The following RUNX1 variants were observed in gnomAD, a reference collection of about 807,000 sequenced individuals.
RUNX1 encodes the protein RUNX family transcription factor 1.
RUNX1 carries 19 observed loss-of-function variants against 42.8 expected under a neutral mutation model. That is an observed-to-expected ratio of 0.44 (90% CI 0.31 to 0.65). RUNX1 has a LOEUF of 0.65. Among genes scored for constraint, RUNX1 ranks in the 30% least tolerant of loss-of-function variants. The pLI is 0.07. For synonymous variants in RUNX1, 271 were observed against 289.4 expected (o/e 0.94, Z 0.64); for missense variants, 528 against 672.0 (o/e 0.79, Z 2.37).
intron 2 of RUNX1, among the ~76,000 whole-genome samples, chr21:34,967,761 C>G (rs1165542513): frequency 6.6e-6 from 1 of 152,182 alleles, no homozygotes; most frequent in Admixed American, 6.5e-5. Flanking sequence ...AAGACTGCAG[C>G]TAGAAGACTG....
At chr21:34,888,624 G>A (rs921439000) in intron 3 of RUNX1, 18 of 1,055,572 alleles carry the variant, frequency 1.7e-5, no homozygotes, top group African/African-American at 5.0e-5. Flanking sequence ...GCAGGGCCGG[G>A]CAGCGTGGTG....
At chr21:35,004,915 C>G (rs2059072956) in intron 2 of RUNX1, among the ~76,000 whole-genome samples, 1 of 152,190 alleles carries the variant, frequency 6.6e-6, no homozygotes, top group African/African-American at 2.4e-5. Flanking sequence ...ATCTCACTCT[C>G]TTATCAGCAG....
chr21:34,875,394 G>C (rs955530018), intron 5 of RUNX1, among the ~76,000 whole-genome samples: 1 of 152,146 alleles, frequency 6.6e-6, no homozygotes, highest in African/African-American at 2.4e-5. Flanking sequence ...GTTGAGGCTT[G>C]GTATATCAGA....
chr21:34,894,880 A>AACACACACACAC (rs57230115), intron 2 of RUNX1, among the ~76,000 whole-genome samples: 219 of 127,958 alleles, frequency 1.7e-3, no homozygotes, highest in Admixed American at 2.6e-3. Flanking sequence ...CCTACATAGA[A>AACACACACACAC]ACACACACAC....
chr21:34,931,935 AT>A (rs1331148252), intron 2 of RUNX1, among the ~76,000 whole-genome samples: 2 of 152,150 alleles, frequency 1.3e-5, no homozygotes, highest in African/African-American at 4.8e-5. Context: ...AGTCTTGAGC[AT>A]TATAGCAATA....
At chr21:34,990,295 T>C (rs1314696062) in intron 2 of RUNX1, among the ~76,000 whole-genome samples, 1 of 152,196 alleles carries the variant, frequency 6.6e-6, no homozygotes, top group Non-Finnish European at 1.5e-5. Context: ...GTGATGCAAG[T>C]AGGGTCTGGA....
chr21:34,844,679 T>C (rs1238152582), intron 6 of RUNX1, among the ~76,000 whole-genome samples: 1 of 152,188 alleles, frequency 6.6e-6, no homozygotes, highest in East Asian at 1.9e-4. Context: ...GGATGATCTC[T>C]CCTCCTCTGT....
Position 34,789,746 on chromosome 21 carries a change from A to C in RUNX1, c.*2389T>G, listed in dbSNP as rs1369535727. 1 of 233,188 alleles carries C rather than the reference A, an allele frequency of 4.3e-6. No homozygotes were observed. Among genetic ancestry groups the C allele is most frequent in the Non-Finnish European group, 8.5e-6 (1 of 118,064 alleles). 14.4% of individuals were successfully genotyped at this position (233,188 alleles called of 1,614,324 possible). A position where few individuals can be genotyped will look rare whatever the true frequency, so the allele number is the denominator to read the frequency against. On this transcript the variant is annotated 3_prime_UTR_variant, in exon 9 of 9. Coordinates refer to ENST00000675419, the MANE Select transcript of RUNX1 (RefSeq NM_001754.5). ...TAAATGACCAATCCAGTGAGCCTAC[A>C]ATAGTGACAAGCCCCCTCCACACAT...
At chr21:34,883,648 A>G (rs2057938804) in intron 4 of RUNX1, among the ~76,000 whole-genome samples, 1 of 152,224 alleles carries the variant, frequency 6.6e-6, no homozygotes, top group African/African-American at 2.4e-5. Flanking sequence ...GGCCAAAGAT[A>G]TCTCATATTT....
chr21:34,949,731 G>C (rs1479372561), intron 2 of RUNX1, among the ~76,000 whole-genome samples: 1 of 152,234 alleles, frequency 6.6e-6, no homozygotes, highest in Non-Finnish European at 1.5e-5. Flanking sequence ...GCGTGGAGTG[G>C]GAGTGGGAAG....
intron 2 of RUNX1, among the ~76,000 whole-genome samples, chr21:34,957,895 G>A (rs963186179): frequency 6.6e-6 from 1 of 152,136 alleles, no homozygotes; most frequent in Non-Finnish European, 1.5e-5. Flanking sequence ...GGGGTATGGG[G>A]CAGGATGTCT....
Position 34,873,645 on chromosome 21 carries a change from T to C in RUNX1, c.508+6912A>G, listed in dbSNP as rs970205077. Among the ~76,000 whole-genome samples, 34 of 152,236 alleles carry C rather than the reference T, an allele frequency of 2.2e-4. 1 individual carries two copies. The highest frequency in any genetic ancestry group is 1.0e-3 in the Admixed American group (16 of 15,282). ...GATTCCTCTATGGACCTCAACTGCC[T>C]GACACCTTCATTGGAGAACGTTCGG... On this transcript the variant is annotated intron_variant, in intron 5 of 8. Transcript: ENST00000675419.
chr21:34,991,467 C>T (rs760545354), intron 2 of RUNX1, among the ~76,000 whole-genome samples: 4 of 152,156 alleles, frequency 2.6e-5, no homozygotes, highest in Non-Finnish European at 4.4e-5. Flanking sequence ...ATAGCAGCTA[C>T]GGGCACTTGG....
At chr21:34,793,781 G>A (rs2056485475) in intron 8 of RUNX1, among the ~76,000 whole-genome samples, 1 of 150,934 alleles carries the variant, frequency 6.6e-6, no homozygotes, top group African/African-American at 2.4e-5. Flanking sequence ...TCGGCTCACT[G>A]CACCCACCAC....
rs1365873866 is a variant in RUNX1, at chr21:35,003,035, C to T, written c.58+45807G>A. 3.3e-5 allele frequency among the ~76,000 whole-genome samples: 5 copies of T among 152,320 alleles called. No individual in the cohort carries two copies. In the East Asian group the frequency reaches 9.6e-4, roughly 29 times the overall value. On this transcript the variant is annotated intron_variant, in intron 2 of 8. Coordinates refer to ENST00000675419, the MANE Select transcript of RUNX1 (RefSeq NM_001754.5). Reference sequence around the variant, plus strand: ...TGGTGGTGCAAGAACAATACAACTTCATTACACACCCAAAGAAGTGGTGAG... The same window carrying T: ...TGGTGGTGCAAGAACAATACAACTTTATTACACACCCAAAGAAGTGGTGAG...
intron 2 of RUNX1, among the ~76,000 whole-genome samples, chr21:35,036,116 G>A (rs1416091212): frequency 6.6e-6 from 1 of 152,148 alleles, no homozygotes; most frequent in African/African-American, 2.4e-5. Context: ...GAGCCCTGGC[G>A]TGTGTGCAGA....
intron 7 of RUNX1, among the ~76,000 whole-genome samples, chr21:34,801,571 A>G (rs1052913368): frequency 2.0e-5 from 3 of 152,120 alleles, no homozygotes; most frequent in South Asian, 4.1e-4. Flanking sequence ...ACTTCACACC[A>G]TAACTTAGCT....
At position 34,792,892 on chromosome 21, in the gene RUNX1, A is replaced by C. The variant is rs892512902; in HGVS notation, c.968-282T>G. On this transcript the variant is annotated intron_variant, in intron 8 of 8. Coordinates refer to ENST00000675419, the MANE Select transcript of RUNX1 (RefSeq NM_001754.5). The surrounding 1 kb of genome is among the most constrained non-coding windows in gnomAD (Gnocchi z 6.9). ...CATGTCACCTCCCAAGAGGATGGGG[A>C]CTACCCATGATGCTATGCCCAGGAG... 2.0e-5 allele frequency among the ~76,000 whole-genome samples: 3 copies of C among 151,356 alleles called. No homozygotes were observed. The highest frequency in any genetic ancestry group is 2.4e-5 in the African/African-American group (1 of 41,084).
chr21:34,799,116 C>A (rs1401017883), intron 8 of RUNX1, among the ~76,000 whole-genome samples, 185 bp downstream of exon 8: 1 of 152,228 alleles, frequency 6.6e-6, no homozygotes, highest in African/African-American at 2.4e-5. Flanking sequence ...GCCTTCACAT[C>A]CACAATCTCT....
Sources: allele counts gnomAD v4.1 joint callset (sites outside exome capture counted in the v4.1 genomes callset), GRCh38; gene constraint gnomAD v4.1.1; non-coding constraint Gnocchi (gnomAD v3.1); transcripts MANE v1.5; gene names NCBI Gene and HGNC (gene_info 2026-07-23, HGNC 2026-07-21).